Variants in CHN2 observed in about 807,000 individuals in gnomAD.
CHN2 encodes the protein beta-chimaerin.
A neutral mutation model predicts 56.3 loss-of-function variants in CHN2; 35 were observed. The ratio of observed to expected loss-of-function variants is 0.62; its 90% CI spans 0.47 to 0.82. The LOEUF is 0.82. CHN2 is among the 40% of genes least tolerant of loss of function. The pLI is 0.00. For missense variants in CHN2, 491 were observed against 580.5 expected (o/e 0.85, Z 1.58); for synonymous variants, 210 against 212.8 (o/e 0.99, Z 0.12).
chr7:29,205,998 A>T (rs1784495867), intron 1 of CHN2, among the ~76,000 whole-genome samples: 1 of 151,980 alleles, frequency 6.6e-6, no homozygotes, highest in Non-Finnish European at 1.5e-5. Context: ...CTCCTTCCAA[A>T]GGTAACCACT....
Position 29,330,620 on chromosome 7 carries a change from G to A in CHN2, c.50-24005G>A, listed in dbSNP as rs538848692. Among the ~76,000 whole-genome samples the A allele has an allele frequency of 6.8e-4, 104 of 152,232 alleles. 2 individuals are homozygous for A. The South Asian group carries it at 7.5e-3, about 11-fold the overall frequency. On this transcript the variant is annotated intron_variant, in intron 1 of 12. Transcript: ENST00000222792. ...TTTAGAAAAACAAAGTAATAATTTAGCATCAAGAACATATCATTGAAATTC... is the reference window on the plus strand; with the variant it reads ...TTTAGAAAAACAAAGTAATAATTTAACATCAAGAACATATCATTGAAATTC...
intron 1 of CHN2, among the ~76,000 whole-genome samples, chr7:29,253,538 G>A (rs781018024): frequency 2.6e-5 from 4 of 152,188 alleles, no homozygotes; most frequent in Non-Finnish European, 4.4e-5. Flanking sequence ...AGGGAATTAT[G>A]GATTTGGGGT....
At chr7:29,434,244 C>T (rs552039743) in intron 6 of CHN2, among the ~76,000 whole-genome samples, 2 of 152,274 alleles carry the variant, frequency 1.3e-5, no homozygotes, top group African/African-American at 4.8e-5. Context: ...GATTATAACT[C>T]GTCTGCATCC....
intron 1 of CHN2, among the ~76,000 whole-genome samples, chr7:29,291,019 C>T (rs529284988): frequency 2.0e-5 from 3 of 152,188 alleles, no homozygotes; most frequent in African/African-American, 7.2e-5. Context: ...CTTATTCTTC[C>T]CTGGGGGTGG....
At chr7:29,494,901 T>C (rs1585617039) in intron 7 of CHN2, among the ~76,000 whole-genome samples, 2 of 134,712 alleles carry the variant, frequency 1.5e-5, no homozygotes, top group Admixed American at 1.7e-4. Flanking sequence ...CCTTTCCAAA[T>C]TGTGACCACA....
intron 4 of CHN2, 40 bp downstream of exon 4, chr7:29,393,750 G>C (rs1801528116): frequency 1.5e-6 from 1 of 671,240 alleles, no homozygotes; most frequent in African/African-American, 1.9e-5. Context: ...AATTTAATAA[G>C]TAGTCATTTC....
At chr7:29,249,566 C>T (rs1788327431) in intron 1 of CHN2, among the ~76,000 whole-genome samples, 1 of 152,174 alleles carries the variant, frequency 6.6e-6, no homozygotes, top group Admixed American at 6.5e-5. Context: ...GTTCTTTAAC[C>T]AGGCAAGTTG....
intron 1 of CHN2, among the ~76,000 whole-genome samples, chr7:29,234,646 T>A (rs1168301010): frequency 1.3e-5 from 2 of 152,236 alleles, no homozygotes; most frequent in Non-Finnish European, 2.9e-5. Context: ...TAGAGATCTG[T>A]ACCCCTTGTT....
chr7:29,389,504 G>A (rs1039082833), intron 3 of CHN2, among the ~76,000 whole-genome samples: 1 of 152,158 alleles, frequency 6.6e-6, no homozygotes, highest in Admixed American at 6.5e-5. Context: ...TCGAGATGGG[G>A]ATGCTGTCTG....
chr7:29,315,296 C>T (rs1354220698), intron 1 of CHN2, among the ~76,000 whole-genome samples: 2 of 152,184 alleles, frequency 1.3e-5, no homozygotes, highest in Non-Finnish European at 2.9e-5. Context: ...TTTTGATCTG[C>T]TCCATCTTTC....
chr7:29,392,483 T>G (rs1801441850), intron 3 of CHN2, among the ~76,000 whole-genome samples: 1 of 152,232 alleles, frequency 6.6e-6, no homozygotes, highest in Non-Finnish European at 1.5e-5. Flanking sequence ...ATGGATGTCC[T>G]GCTTGGTTGA....
chr7:29,500,430 A>G (rs755576122), intron 9 of CHN2, among the ~76,000 whole-genome samples: 2 of 152,186 alleles, frequency 1.3e-5, no homozygotes, highest in Non-Finnish European at 2.9e-5. Context: ...GTTCAAGACC[A>G]GCATGGGCAA....
intron 6 of CHN2, among the ~76,000 whole-genome samples, chr7:29,435,534 G>A (rs1783155752): frequency 6.6e-6 from 1 of 152,224 alleles, no homozygotes; most frequent in African/African-American, 2.4e-5. Flanking sequence ...ACAAACCTGT[G>A]CAGCATGGTA....
At chr7:29,183,324 T>C (rs1798301523) in intron 2 of CHN2, among the ~76,000 whole-genome samples, 1 of 151,972 alleles carries the variant, frequency 6.6e-6, no homozygotes, top group Non-Finnish European at 1.5e-5. Context: ...TCTCAGGTGA[T>C]CTGCCTGCCT....
chr7:29,424,058 C>A (rs893641005), intron 6 of CHN2, among the ~76,000 whole-genome samples: 1 of 152,092 alleles, frequency 6.6e-6, no homozygotes, highest in African/African-American at 2.4e-5. Flanking sequence ...GTTTATAGGG[C>A]GGAAAACCCA....
At chr7:29,315,607 G>A (rs1221122887) in intron 1 of CHN2, among the ~76,000 whole-genome samples, 2 of 152,102 alleles carry the variant, frequency 1.3e-5, no homozygotes, top group African/African-American at 4.8e-5. Context: ...GTGTCAAATA[G>A]ATGACATAAA....
intron 4 of CHN2, among the ~76,000 whole-genome samples, chr7:29,394,743 C>G (rs1028686445): frequency 6.6e-6 from 1 of 152,106 alleles, no homozygotes; most frequent in African/African-American, 2.4e-5. Context: ...GAAGATAGCA[C>G]AATTAATTTA....
chr7:29,158,919 T>C (rs868583688), intron 2 of CHN2, among the ~76,000 whole-genome samples: 11 of 152,236 alleles, frequency 7.2e-5, no homozygotes, highest in African/African-American at 2.4e-4. Context: ...TAAAAATTGC[T>C]AGAGGAATGT....
intron 1 of CHN2, among the ~76,000 whole-genome samples, chr7:29,244,518 T>C (rs939888717): frequency 2.0e-5 from 3 of 152,232 alleles, no homozygotes; most frequent in Non-Finnish European, 4.4e-5. Flanking sequence ...CGGCAGATAC[T>C]GAAGCTGTGC....
Sources: allele counts gnomAD v4.1 joint callset (sites outside exome capture counted in the v4.1 genomes callset), GRCh38; gene constraint gnomAD v4.1.1; transcripts MANE v1.5; gene names NCBI Gene and HGNC (gene_info 2026-07-23, HGNC 2026-07-21).